Variants in EBF3 observed in about 807,000 individuals in gnomAD.
EBF3 encodes transcription factor COE3.
In EBF3, 18 loss-of-function variants were observed where a neutral mutation model predicts 77.1. That is an observed-to-expected ratio of 0.23 (90% CI 0.16 to 0.35). EBF3 has a LOEUF of 0.35. Ranked by LOEUF, EBF3 falls within the 10% of genes least tolerant of loss-of-function variation. The pLI, the probability that EBF3 is intolerant of heterozygous loss-of-function variation, is 1.00. For synonymous variants in EBF3, 350 were observed against 343.5 expected (o/e 1.02, Z -0.21); for missense variants, 558 against 860.0 (o/e 0.65, Z 4.39).
At chr10:129,961,186 A>C (rs1291349064) in intron 4 of EBF3, among the ~76,000 whole-genome samples, 1 of 152,212 alleles carries the variant, frequency 6.6e-6, no homozygotes, top group Non-Finnish European at 1.5e-5. Context: ...CACAATTCTT[A>C]AAGTTAGCAT....
At chr10:129,899,793 C>T (rs531957641) in intron 6 of EBF3, among the ~76,000 whole-genome samples, 10 of 152,284 alleles carry the variant, frequency 6.6e-5, no homozygotes, top group Non-Finnish European at 8.8e-5. Flanking sequence ...TTCTCCTCTT[C>T]GCTGATAGCC....
chr10:129,912,912 G>A (rs903382742), intron 6 of EBF3, among the ~76,000 whole-genome samples: 1 of 152,244 alleles, frequency 6.6e-6, no homozygotes, highest in Non-Finnish European at 1.5e-5. Context: ...AGTACTGAGT[G>A]ACATTTGAAA....
intron 6 of EBF3, among the ~76,000 whole-genome samples, chr10:129,926,628 C>T (rs1856693407): frequency 6.6e-6 from 1 of 152,150 alleles, no homozygotes; most frequent in Admixed American, 6.5e-5. Flanking sequence ...ACTGGAGCAC[C>T]CACTGGCACC....
chr10:129,852,300 A>G (rs1025453266), intron 10 of EBF3, among the ~76,000 whole-genome samples: 5 of 152,252 alleles, frequency 3.3e-5, no homozygotes, highest in Admixed American at 6.5e-5. Flanking sequence ...TATTTAAGTC[A>G]TGCCCGTGTA....
At chr10:129,847,703 C>T (rs1034524904) in intron 11 of EBF3, among the ~76,000 whole-genome samples, 2 of 152,060 alleles carry the variant, frequency 1.3e-5, no homozygotes, top group African/African-American at 4.8e-5. Flanking sequence ...GATAGGGCTT[C>T]TAAAGAGAGA....
intron 6 of EBF3, among the ~76,000 whole-genome samples, chr10:129,922,257 A>G (rs1309910133): frequency 2.0e-5 from 3 of 152,144 alleles, no homozygotes; most frequent in African/African-American, 7.2e-5. Flanking sequence ...ACTCACAACG[A>G]GGCCCTGCCC....
At position 129,941,198 on chromosome 10, in the gene EBF3, C is replaced by T. The variant is rs563187450; in HGVS notation, c.554+16060G>A. Among the ~76,000 whole-genome samples, 4 of 152,336 alleles carry T rather than the reference C, an allele frequency of 2.6e-5. No homozygotes were observed. In the South Asian group the frequency reaches 8.3e-4, roughly 32 times the overall value. Reference sequence around the variant, plus strand: ...CTAAATTCAGCCTGTTGGCAGGCATCAAGTTCAAGGGACGAAAGAAACCCA... The same window carrying T: ...CTAAATTCAGCCTGTTGGCAGGCATTAAGTTCAAGGGACGAAAGAAACCCA... On this transcript the variant is annotated intron_variant, in intron 6 of 16. Transcript: ENST00000440978.
intron 5 of EBF3, 62 bp from the exon 6 acceptor site, chr10:129,957,388 A>ATTTTT (rs36101167): frequency 9.3e-5 from 108 of 1,162,294 alleles, no homozygotes; most frequent in South Asian, 3.1e-4. Flanking sequence ...CCCGACTTGT[A>ATTTTT]TTTTTTTTTT....
chr10:129,884,947 G>A (rs1024952577), intron 6 of EBF3, among the ~76,000 whole-genome samples: 25 of 152,118 alleles, frequency 1.6e-4, no homozygotes, highest in Admixed American at 1.4e-3. Flanking sequence ...CAATCGCCAA[G>A]GGACCCACTT....
chr10:129,849,412 C>G (rs1850701637), intron 10 of EBF3, among the ~76,000 whole-genome samples: 1 of 152,220 alleles, frequency 6.6e-6, no homozygotes, highest in Non-Finnish European at 1.5e-5. Flanking sequence ...CTGCCACCAT[C>G]TATTCATTAC....
intron 6 of EBF3, among the ~76,000 whole-genome samples, chr10:129,884,528 G>C (rs1345677392): frequency 6.6e-6 from 1 of 152,178 alleles, no homozygotes; most frequent in African/African-American, 2.4e-5. Flanking sequence ...TTTAACACCA[G>C]ACTTATTAAA....
Position 129,944,948 on chromosome 10 carries a change from G to C in EBF3, c.554+12310C>G, listed in dbSNP as rs1194360805. On this transcript the variant is annotated intron_variant, in intron 6 of 16. Coordinates refer to ENST00000440978, the MANE Select transcript of EBF3 (RefSeq NM_001375380.1). The surrounding 1 kb of genome is among the most constrained non-coding windows in gnomAD (Gnocchi z 5.1). ...CACTGTCTGAAGTTTAGAATAAACT[G>C]TACTTGACATTTATGTACCATGATG... 6.7e-6 allele frequency among the ~76,000 whole-genome samples: 1 copy of C among 149,844 alleles called. No homozygotes were observed. Among genetic ancestry groups the C allele is most frequent in the Non-Finnish European group, 1.5e-5 (1 of 67,786 alleles).
At chr10:129,937,393 G>C (rs1037732824) in intron 6 of EBF3, among the ~76,000 whole-genome samples, 2 of 152,088 alleles carry the variant, frequency 1.3e-5, no homozygotes, top group Admixed American at 6.5e-5. Context: ...AGAACAGAGA[G>C]GCCCCAGGGA....
intron 8 of EBF3, among the ~76,000 whole-genome samples, chr10:129,869,731 G>A (rs969554565): frequency 1.3e-5 from 2 of 152,176 alleles, no homozygotes; most frequent in Middle Eastern, 3.2e-3. Flanking sequence ...TTGGACTAGC[G>A]GGGGTTATAT....
In EBF3 at chr10:129,947,840, A is replaced by G. The variant is rs1858343312; in HGVS notation, c.554+9418T>C. Among the ~76,000 whole-genome samples, 1 of 152,182 alleles carries G rather than the reference A, an allele frequency of 6.6e-6. No individual in the cohort carries two copies. Among genetic ancestry groups the G allele is most frequent in the Admixed American group, 6.5e-5 (1 of 15,270 alleles). ...AAACACCAAGACACTGAAAGGAAGG[A>G]AGCAGAGTGCCCAGTAACCTTTAAG... On this transcript the variant is annotated intron_variant, in intron 6 of 16. Coordinates refer to ENST00000440978, the MANE Select transcript of EBF3 (RefSeq NM_001375380.1). The surrounding 1 kb of genome is among the most constrained non-coding windows in gnomAD (Gnocchi z 4.5).
At position 129,921,118 on chromosome 10, in the gene EBF3, G is replaced by C. The variant is rs565806046; in HGVS notation, c.554+36140C>G. 7.9e-5 allele frequency among the ~76,000 whole-genome samples: 12 copies of C among 152,302 alleles called. 1 individual carries two copies. The highest frequency in any genetic ancestry group is 2.9e-4 in the African/African-American group (12 of 41,564). On this transcript the variant is annotated intron_variant, in intron 6 of 16. Transcript: ENST00000440978. ...TACACAAAGCAAACAAGAGAAAACA[G>C]CGAGTTTGAGCGGGAACCAACTGGG... is the stretch of plus-strand genomic sequence containing the variant.
At chr10:129,871,747 C>A (rs893054889) in intron 8 of EBF3, among the ~76,000 whole-genome samples, 14 of 152,098 alleles carry the variant, frequency 9.2e-5, no homozygotes, top group Admixed American at 9.2e-4. Context: ...AATAAATAAC[C>A]CTACTATTTA....
At chr10:129,896,669 G>A (rs189240680) in intron 6 of EBF3, among the ~76,000 whole-genome samples, 1 of 152,324 alleles carries the variant, frequency 6.6e-6, no homozygotes, top group Non-Finnish European at 1.5e-5. Flanking sequence ...TGACCTCGCC[G>A]GTGCCTTTGT....
Position 129,879,217 on chromosome 10 carries a change from T to C in EBF3, c.555-1368A>G, listed in dbSNP as rs1026183512. On this transcript the variant is annotated intron_variant, in intron 6 of 16. Coordinates refer to ENST00000440978, the MANE Select transcript of EBF3 (RefSeq NM_001375380.1). The surrounding 1 kb of genome is among the most constrained non-coding windows in gnomAD (Gnocchi z 4.7). The stretch of plus-strand genomic sequence containing the variant: ...GGTTTCTCCCTGTATAACCTCTGCC[T>C]CAACTTGAAAAGGCCACAACCAAGA... Among the ~76,000 whole-genome samples, 7 of 152,104 alleles carry C rather than the reference T, an allele frequency of 4.6e-5. No homozygotes were observed. Among genetic ancestry groups the C allele is most frequent in the Non-Finnish European group, 1.0e-4 (7 of 68,032 alleles).
Sources: gnomAD v4.1 joint callset for allele counts (sites outside exome capture counted in the v4.1 genomes callset) on GRCh38, gnomAD v4.1.1 for gene constraint, Gnocchi (gnomAD v3.1) non-coding constraint, MANE v1.5 for transcripts, NCBI Gene and HGNC (gene_info 2026-07-23, HGNC 2026-07-21) for gene names.